The following TRIM4 variants were observed in gnomAD, a reference collection of about 807,000 sequenced individuals.
The protein encoded by TRIM4 is tripartite motif containing 4.
TRIM4 carries 29 observed loss-of-function variants against 33.7 expected under a neutral mutation model. The ratio of observed to expected loss-of-function variants is 0.86; its 90% CI spans 0.64 to 1.17. TRIM4 has a LOEUF of 1.17. Ranked by LOEUF, TRIM4 falls within the 50% of genes most tolerant of loss-of-function variation. The pLI is 0.00. For synonymous variants in TRIM4, 224 were observed against 233.0 expected (o/e 0.96, Z 0.35); for missense variants, 554 against 593.7 (o/e 0.93, Z 0.69).
At chr7:99,901,881 G>A (rs961427590) in intron 5 of TRIM4, 1 of 532,250 alleles carries the variant, frequency 1.9e-6, no homozygotes. Flanking sequence ...TCTGTGTCCG[G>A]CTCTCTCCGC....
intron 1 of TRIM4, chr7:99,917,841 G>A (rs754358547): frequency 1.3e-5 from 13 of 985,304 alleles, no homozygotes; most frequent in Non-Finnish European, 1.4e-5. Context: ...GGCTACTCTG[G>A]AAAGGATGAT....
chr7:99,903,783 G>A (rs1034203973), intron 3 of TRIM4, among the ~76,000 whole-genome samples, 185 bp from the exon 4 acceptor site: 11 of 152,068 alleles, frequency 7.2e-5, no homozygotes, highest in Non-Finnish European at 1.3e-4. Context: ...GCACTTATTC[G>A]ACAATGCTGC....
intron 5 of TRIM4, among the ~76,000 whole-genome samples, chr7:99,898,484 G>A (rs1207618616): frequency 1.3e-5 from 2 of 152,214 alleles, no homozygotes; most frequent in African/African-American, 4.8e-5. Flanking sequence ...CAGGTAGACG[G>A]CAACCACAGC....
At chr7:99,916,139 A>C (rs1819550391) in intron 1 of TRIM4, among the ~76,000 whole-genome samples, 1 of 152,212 alleles carries the variant, frequency 6.6e-6, no homozygotes, top group Non-Finnish European at 1.5e-5. Flanking sequence ...AAGATGGAAG[A>C]TTTAAGGGCT....
intron 1 of TRIM4, among the ~76,000 whole-genome samples, chr7:99,912,940 C>T (rs1819478555): frequency 6.6e-6 from 1 of 152,182 alleles, no homozygotes; most frequent in Admixed American, 6.5e-5. Context: ...AGGCATGTAA[C>T]CCTGCTACTC....
In TRIM4 at chr7:99,892,311, C is replaced by T. The variant is rs751622753; in HGVS notation, c.1277G>A (p.Arg426His). 9 of 1,614,078 alleles carry T rather than the reference C, an allele frequency of 5.6e-6. No individual in the cohort carries two copies. In the African/African-American group the frequency reaches 6.7e-5, roughly 12 times the overall value. Residue 426 changes from arginine to histidine, a missense_variant, in exon 6 of 6, where the codon CGT (arginine) becomes CAT (histidine). Transcript: ENST00000349062. ...ALHRVGVYLD[R>H]GTGNVSFYSA... ...GTAGAAGGAGACATTCCCAGTCCCA[C>T]GATCCAGGTAAACCCCCACTCGGTG...
intron 1 of TRIM4, among the ~76,000 whole-genome samples, chr7:99,912,328 C>T (rs976320519): frequency 6.6e-6 from 1 of 152,196 alleles, no homozygotes; most frequent in Admixed American, 6.5e-5. Context: ...GCCAAGAGTT[C>T]GAGACCAGCC....
At chr7:99,907,911 T>C (rs1819345252) in intron 3 of TRIM4, among the ~76,000 whole-genome samples, 1 of 152,126 alleles carries the variant, frequency 6.6e-6, no homozygotes. Flanking sequence ...CATGAATTAT[T>C]TCAGCAAAAA....
At chr7:99,892,838 C>T (rs1387756480) in intron 5 of TRIM4, 92 bp from the exon 6 acceptor site, 19 of 1,125,014 alleles carry the variant, frequency 1.7e-5, no homozygotes, top group Non-Finnish European at 2.4e-5. Flanking sequence ...TTTCATCTTT[C>T]TCCTCCTAAC....
chr7:99,902,278 ACT>A, intron 5 of TRIM4: 1 of 691,136 alleles, frequency 1.4e-6, no homozygotes, highest in Non-Finnish European at 2.6e-6. Flanking sequence ...ACAGAGTCTC[ACT>A]CTATCGCCCA....
Position 99,913,723 on chromosome 7 carries a change from T to C in TRIM4, c.394-4063A>G, listed in dbSNP as rs557680473. Among the ~76,000 whole-genome samples, 15 of 152,154 alleles carry C rather than the reference T, an allele frequency of 9.9e-5. No homozygotes were observed. In the East Asian group the frequency reaches 2.9e-3, roughly 29 times the overall value. On this transcript the variant is annotated intron_variant, in intron 1 of 5. Coordinates refer to ENST00000349062, the MANE Select transcript of TRIM4 (RefSeq NM_033091.3). ...AATAATAATTTTTTTAAAAATCACTTTCTCTTAATTTAGCACCAGAAAATT... is the reference window on the plus strand; with the variant it reads ...AATAATAATTTTTTTAAAAATCACTCTCTCTTAATTTAGCACCAGAAAATT...
In TRIM4 at chr7:99,892,696, G is replaced by A; in HGVS notation, c.892C>T (p.Gln298Ter). The A allele has an allele frequency of 6.2e-7, 1 of 1,614,024 alleles. No homozygotes were observed. The highest frequency in any genetic ancestry group is 8.5e-7 in the Non-Finnish European group (1 of 1,180,028). The change falls in exon 6 of 6, where the codon CAG (glutamine) becomes TAG (stop). Residue 298 changes from glutamine to a stop codon, truncating the protein, a stop_gained. Coordinates refer to ENST00000349062, the MANE Select transcript of TRIM4 (RefSeq NM_033091.3). LOFTEE classifies it low-confidence loss of function (END_TRUNC). ...GTATTTTTCACGTATCTCCCTTCCTGGGAGAAGACGAGTTTGGGATGAGCT... is the reference window on the plus strand; with the variant it reads ...GTATTTTTCACGTATCTCCCTTCCTAGGAGAAGACGAGTTTGGGATGAGCT... ...DTAHPKLVFS[Q>*]EGRYVKNTAS...
chr7:99,919,499 CCG>C lies in TRIM4; in HGVS notation c.-100_-99del. 4 of 1,292,248 alleles carry C rather than the reference CCG, an allele frequency of 3.1e-6. No individual in the cohort carries two copies. Among genetic ancestry groups the C allele is most frequent in the Non-Finnish European group, 4.1e-6 (4 of 977,330 alleles). The allele number at this position is 1,292,248 out of a possible 1,614,324, so 80.0% of individuals were successfully genotyped here. On this transcript the variant is annotated 5_prime_UTR_variant, in exon 1 of 6. Coordinates refer to ENST00000349062, the MANE Select transcript of TRIM4 (RefSeq NM_033091.3). ...GGGAGGCCAGACGACTTCCGAACCG[CCG>C]TCACCGCCTCACGTAAAAGGGTACA... is the stretch of plus-strand genomic sequence containing the variant.
chr7:99,897,576 A>T (rs1410744384), intron 5 of TRIM4, among the ~76,000 whole-genome samples: 2 of 152,200 alleles, frequency 1.3e-5, no homozygotes, highest in African/African-American at 4.8e-5. Flanking sequence ...AGCAACTAAA[A>T]AAAAGAACAA....
intron 3 of TRIM4, among the ~76,000 whole-genome samples, chr7:99,904,681 T>A (rs563316385): frequency 1.3e-3 from 198 of 152,234 alleles, no homozygotes; most frequent in Non-Finnish European, 1.8e-3. Flanking sequence ...TTCATTTTTT[T>A]AAAAAAACTG....
chr7:99,911,452 CAAAAAATTA>C (rs998411342), intron 1 of TRIM4, among the ~76,000 whole-genome samples: 5 of 151,288 alleles, frequency 3.3e-5, no homozygotes, highest in Non-Finnish European at 7.4e-5. Flanking sequence ...TCAAAATAAA[CAAAAAATTA>C]AAAAAATTAA....
intron 5 of TRIM4, among the ~76,000 whole-genome samples, chr7:99,896,474 C>A (rs1165462494): frequency 6.6e-6 from 1 of 152,218 alleles, no homozygotes; most frequent in African/African-American, 2.4e-5. Flanking sequence ...ATGCTTTTTA[C>A]AAACAGTAGC....
intron 5 of TRIM4, 138 bp downstream of exon 5, chr7:99,903,080 T>C (rs972515907): frequency 1.5e-6 from 1 of 651,614 alleles, no homozygotes; most frequent in Non-Finnish European, 2.7e-6. Context: ...TTGAATGAAG[T>C]GTATACCCAT....
At chr7:99,908,416 C>T in intron 3 of TRIM4, 166 bp downstream of exon 3, 1 of 608,090 alleles carries the variant, frequency 1.6e-6, no homozygotes, top group Non-Finnish European at 2.9e-6. Context: ...ACATTAATTT[C>T]CTTTGAATGG....
Sources: allele counts gnomAD v4.1 joint callset (sites outside exome capture counted in the v4.1 genomes callset), GRCh38; gene constraint gnomAD v4.1.1; transcripts MANE v1.5; gene names NCBI Gene and HGNC (gene_info 2026-07-23, HGNC 2026-07-21).